ERAP1: variants seen among roughly 807,000 people sequenced by gnomAD.
The protein encoded by ERAP1 is endoplasmic reticulum aminopeptidase 1.
A neutral mutation model predicts 103.7 loss-of-function variants in ERAP1; 86 were observed. The ratio of observed to expected loss-of-function variants is 0.83; its 90% CI spans 0.70 to 0.99. ERAP1 has a LOEUF of 0.99. ERAP1 is among the 50% of genes least tolerant of loss of function. The probability of loss-of-function intolerance (pLI) is 0.00; values close to 1 mark genes in which losing one functional copy is unlikely to be tolerated. For synonymous variants in ERAP1, 398 were observed against 402.4 expected, an observed-to-expected ratio of 0.99 and a Z score of 0.13; for missense variants, 1,009 against 1,128.4, an observed-to-expected ratio of 0.89 and a Z score of 1.52.
chr5:96,820,781 C>T, the ERAP1 span, among the ~76,000 whole-genome samples: 1 of 152,164 alleles, frequency 6.6e-6, no homozygotes, highest in African/African-American at 2.4e-5. Context: ...TGCATTTTCT[C>T]AGCTCCCTCA....
the ERAP1 span, among the ~76,000 whole-genome samples, chr5:96,885,613 C>T: frequency 1.3e-5 from 2 of 152,220 alleles, no homozygotes; most frequent in East Asian, 1.9e-4. Flanking sequence ...CAAAGCAAAT[C>T]GTAATCTTAT....
chr5:96,892,439 G>T, the ERAP1 span: 1 of 1,613,914 alleles, frequency 6.2e-7, no homozygotes, highest in South Asian at 1.1e-5. Flanking sequence ...CATAGCCCAT[G>T]AACTGGCGCA....
chr5:96,851,276 G>C, the ERAP1 span, among the ~76,000 whole-genome samples: 1 of 152,280 alleles, frequency 6.6e-6, no homozygotes, highest in Middle Eastern at 3.4e-3. Flanking sequence ...TGAAATATTA[G>C]TTTGAGAAGT....
At chr5:96,859,653 C>T in the ERAP1 span, among the ~76,000 whole-genome samples, 2 of 152,162 alleles carry the variant, frequency 1.3e-5, no homozygotes, top group Non-Finnish European at 2.9e-5. Context: ...ACCACTTAAC[C>T]TCACTGGGCT....
At chr5:96,797,574 A>C (rs1370410310) in intron 3 of ERAP1, among the ~76,000 whole-genome samples, 3 of 151,954 alleles carry the variant, frequency 2.0e-5, no homozygotes, top group African/African-American at 7.3e-5. Flanking sequence ...GCTGAGGTGG[A>C]AGGATGGCTT....
chr5:96,762,966 C>T (rs1366160470), exon 20 of ERAP1: 1 of 577,856 alleles, frequency 1.7e-6, no homozygotes, highest in Non-Finnish European at 3.1e-6. Context: ...CTTTTCCAGA[C>T]TTCCTTGACT....
At chr5:96,794,955 G>T in intron 5 of ERAP1, 87 bp downstream of exon 5, 2 of 1,511,302 alleles carry the variant, frequency 1.3e-6, no homozygotes, top group Non-Finnish European at 1.8e-6. Flanking sequence ...GGCTGCTGAG[G>T]CAACTACAGG....
the ERAP1 span, chr5:96,915,646 A>T: frequency 8.4e-7 from 1 of 1,193,222 alleles, no homozygotes; most frequent in Non-Finnish European, 1.2e-6. Flanking sequence ...ACATAAGGTC[A>T]GTATTTCTAT....
At chr5:96,790,238 A>G (rs1776570929) in intron 10 of ERAP1, 58 bp downstream of exon 10, 1 of 1,525,072 alleles carries the variant, frequency 6.6e-7, no homozygotes. Context: ...GCTGCCTTTC[A>G]AAGAATATGC....
the ERAP1 span, among the ~76,000 whole-genome samples, chr5:96,869,144 T>C: frequency 3.3e-5 from 5 of 151,520 alleles, no homozygotes; most frequent in African/African-American, 1.2e-4. Context: ...ACACTGATTG[T>C]AATTTAAAAT....
At chr5:96,762,536 G>T in exon 20 of ERAP1, 1 of 517,948 alleles carries the variant, frequency 1.9e-6, no homozygotes, top group Non-Finnish European at 3.5e-6. Flanking sequence ...CGAGATGGCA[G>T]AGATTAACTT....
the ERAP1 span, among the ~76,000 whole-genome samples, chr5:96,916,483 G>A: frequency 7.8e-6 from 1 of 128,624 alleles, no homozygotes; most frequent in Non-Finnish European, 1.6e-5. Flanking sequence ...TTTTTTTGAG[G>A]CGGAGTCTTG....
chr5:96,932,721 A>G, the ERAP1 span, among the ~76,000 whole-genome samples: 1 of 152,222 alleles, frequency 6.6e-6, no homozygotes, highest in Non-Finnish European at 1.5e-5. Flanking sequence ...TTTGATAAAA[A>G]TATCCCTATA....
At chr5:96,765,766 C>T (rs1183173128) in intron 19 of ERAP1, among the ~76,000 whole-genome samples, 5 of 152,090 alleles carry the variant, frequency 3.3e-5, no homozygotes, top group African/African-American at 9.7e-5. Context: ...TTCTAATCTC[C>T]TAACATGGTT....
At chr5:96,812,082 C>A (rs757345162), upstream of ERAP1, among the ~76,000 whole-genome samples, 1 of 152,182 alleles carries the variant, frequency 6.6e-6, no homozygotes, top group Non-Finnish European at 1.5e-5. Context: ...AATATATGCA[C>A]TGAACATATG....
chr5:96,835,804 C>G, the ERAP1 span, among the ~76,000 whole-genome samples: 2 of 152,166 alleles, frequency 1.3e-5, no homozygotes, highest in African/African-American at 4.8e-5. Context: ...GGAGCAGGGT[C>G]TTCAAAAGGA....
At chr5:96,887,715 T>A in the ERAP1 span, among the ~76,000 whole-genome samples, 2 of 152,240 alleles carry the variant, frequency 1.3e-5, no homozygotes, top group African/African-American at 4.8e-5. Context: ...TCTTTGTAGT[T>A]AAATATTTGC....
chr5:96,879,744 G>C, the ERAP1 span: 64 of 1,614,052 alleles, frequency 4.0e-5, no homozygotes, highest in Non-Finnish European at 5.3e-5. Flanking sequence ...AACATTCACA[G>C]AGGATTTTAC....
chr5:96,847,244 T>G, the ERAP1 span, among the ~76,000 whole-genome samples: 1 of 104,190 alleles, frequency 9.6e-6, no homozygotes, highest in Non-Finnish European at 2.0e-5. Context: ...CAAGACTCCA[T>G]CTCAAAAAAA....
Sources: allele counts gnomAD v4.1 joint callset (sites outside exome capture counted in the v4.1 genomes callset), GRCh38; gene constraint gnomAD v4.1.1; transcripts MANE v1.5; gene names NCBI Gene and HGNC (gene_info 2026-07-23, HGNC 2026-07-21).